Variants in ATRIP observed in about 807,000 individuals in gnomAD.
ATRIP encodes the protein ATR interacting protein, also known as ATR-interacting protein.
ATRIP carries 44 observed loss-of-function variants against 78.1 expected under a neutral mutation model. The observed-to-expected ratio is 0.56, with a 90% CI of 0.44 to 0.72. The LOEUF is 0.72. ATRIP is among the 30% of genes least tolerant of loss of function. ATRIP has a pLI of 0.00. For synonymous variants in ATRIP, 388 were observed against 408.9 expected (o/e 0.95, Z 0.62); for missense variants, 927 against 980.2 (o/e 0.95, Z 0.72).
chr3:48,466,205 T>C lies in ATRIP; in HGVS notation c.*651T>C. 1 of 555,876 alleles carries C rather than the reference T, an allele frequency of 1.8e-6. No homozygotes were observed. The highest frequency in any genetic ancestry group is 3.0e-5 in the Admixed American group (1 of 33,166). The allele number at this position is 555,876 out of a possible 1,614,324, so 34.4% of individuals were successfully genotyped here. On this transcript the variant is annotated 3_prime_UTR_variant, in exon 13 of 13. Coordinates refer to ENST00000320211, the MANE Select transcript of ATRIP (RefSeq NM_130384.3). ...AGGGCGGGCCTGGCTCACGTGGGCC[T>C]GTAGGCGGGCCCACGCCAAGTTTCA...
rs55691060 is a variant in ATRIP at position 48,467,345 on chromosome 3, G to A, written c.*1791G>A. 11 of 1,614,026 alleles carry A rather than the reference G, an allele frequency of 6.8e-6. No individual in the cohort carries two copies. Among genetic ancestry groups the A allele is most frequent in the African/African-American group, 1.3e-5 (1 of 74,932 alleles). ...ACGCCAGGCCTTTCGGCACCATCAG[G>A]CCCATGTATGGGGTCACAGCCTCTG... On this transcript the variant is annotated 3_prime_UTR_variant, in exon 13 of 13. Coordinates refer to ENST00000320211, the MANE Select transcript of ATRIP (RefSeq NM_130384.3).
intron 1 of ATRIP, chr3:48,447,487 C>T: frequency 2.0e-6 from 2 of 995,026 alleles, no homozygotes; most frequent in South Asian, 9.3e-5. Context: ...CACTGTCTCC[C>T]TTGGGCAGTG....
chr3:48,466,337 C>A lies in ATRIP; in HGVS notation c.*783C>A, dbSNP rs566903758. On this transcript the variant is annotated 3_prime_UTR_variant, in exon 13 of 13. Coordinates refer to ENST00000320211, the MANE Select transcript of ATRIP (RefSeq NM_130384.3). ...GAGTGTGGCCCCCACAATGGGATGGCGCAGGGCAGGAGGGCCATGGGTTCC... is the reference window on the plus strand; with the variant it reads ...GAGTGTGGCCCCCACAATGGGATGGAGCAGGGCAGGAGGGCCATGGGTTCC... The A allele has an allele frequency of 4.5e-5, 44 of 985,162 alleles. No individual in the cohort carries two copies. The Admixed American group carries it at 8.8e-4, about 20-fold the overall frequency. The allele number at this position is 985,162 out of a possible 1,614,324, so 61.0% of individuals were successfully genotyped here.
rs1019800321 is a variant in ATRIP at position 48,467,101 on chromosome 3, G to T, written c.*1547G>T. 1.2e-6 allele frequency: 2 copies of T among 1,613,838 alleles called. No individual in the cohort carries two copies. The highest frequency in any genetic ancestry group is 1.3e-5 in the African/African-American group (1 of 74,920). On this transcript the variant is annotated 3_prime_UTR_variant, in exon 13 of 13. Transcript: ENST00000320211. Reference sequence around the variant, plus strand: ...CTGGGCCTCACCAGTGCTCTGGATGGTGCCTTCTGTGTGGATAGCATCACT... The same window carrying T: ...CTGGGCCTCACCAGTGCTCTGGATGTTGCCTTCTGTGTGGATAGCATCACT...
chr3:48,450,588 G>GTTT, intron 2 of ATRIP: 1 of 990,834 alleles, frequency 1.0e-6, no homozygotes, highest in East Asian at 6.3e-5. Context: ...ATGTGACCCA[G>GTTT]ATTTTTTTTT....
chr3:48,466,424 TCAGA>T lies in ATRIP; in HGVS notation c.*874_*877del, dbSNP rs915151349. The T allele has an allele frequency of 3.3e-5, 53 of 1,609,488 alleles. No individual in the cohort carries two copies. The highest frequency in any genetic ancestry group is 4.4e-5 in the South Asian group (4 of 90,930). On this transcript the variant is annotated 3_prime_UTR_variant, in exon 13 of 13. Transcript: ENST00000320211. ...GAGTCATGTGAAGAGGGAGACCCTC[TCAGA>T]CAGTCGAATGTGCTGGTCCCACTAA...
At chr3:48,465,108 C>T (rs1575289048) in intron 12 of ATRIP, 25 bp downstream of exon 12, 7 of 1,592,134 alleles carry the variant, frequency 4.4e-6, no homozygotes, top group Non-Finnish European at 6.0e-6. Flanking sequence ...GGCCATCCTG[C>T]CCAGCCCCCA....
At chr3:48,447,522 G>A (rs1241926862) in intron 1 of ATRIP, 1 of 989,464 alleles carries the variant, frequency 1.0e-6, no homozygotes, top group Non-Finnish European at 1.2e-6. Flanking sequence ...GCCAGACACA[G>A]GCAAGAGATG....
rs373507607 is a variant in ATRIP, at chr3:48,451,751, T to C, written c.404T>C (p.Val135Ala). The C allele has an allele frequency of 4.4e-6, 7 of 1,596,724 alleles. No individual in the cohort carries two copies. The highest frequency in any genetic ancestry group is 1.7e-4 in the Middle Eastern group (1 of 6,012). ...KEKMKVMEEE[V>A]LIKNGEIKIL... ...CAGATGAAAGTAATGGAAGAAGAAG[T>C]TCTCATTAAGAATGGAGAAATTAAA... Residue 135 changes from valine to alanine, a missense_variant, in exon 3 of 13, where the codon GTT becomes GCT. Val to Ala is a moderately conservative substitution (Grantham distance 64, BLOSUM62 0). Coordinates refer to ENST00000320211, the MANE Select transcript of ATRIP (RefSeq NM_130384.3).
chr3:48,464,271 A>G lies in ATRIP; in HGVS notation c.1974+139A>G, dbSNP rs1249577915. ...GAGTTGATAAAGCAACTAAAGAGGT[A>G]AACTCAGTTTGGGGGCTGTGCACCA... On this transcript the variant is annotated intron_variant, in intron 10 of 12. Coordinates refer to ENST00000320211, the MANE Select transcript of ATRIP (RefSeq NM_130384.3). 69 of 825,426 alleles carry G rather than the reference A, an allele frequency of 8.4e-5. No homozygotes were observed. The East Asian group carries it at 1.2e-3, about 15-fold the overall frequency. The allele number at this position is 825,426 out of a possible 1,614,324, so 51.1% of individuals were successfully genotyped here. A position where few individuals can be genotyped will look rare whatever the true frequency, so the allele number is the denominator to read the frequency against.
At chr3:48,457,045 A>G (rs1170507877) in intron 4 of ATRIP, among the ~76,000 whole-genome samples, 1 of 152,180 alleles carries the variant, frequency 6.6e-6, no homozygotes, top group East Asian at 1.9e-4. Context: ...TCTATAGAGA[A>G]ATTAAAATTT....
chr3:48,465,707 C>T lies in ATRIP; in HGVS notation c.*153C>T. On this transcript the variant is annotated 3_prime_UTR_variant, in exon 13 of 13. Coordinates refer to ENST00000320211, the MANE Select transcript of ATRIP (RefSeq NM_130384.3). ...GTTTGGCGGAGTGGGAGGGGTGGAG[C>T]AGGACCCGGACCCTGAGTGGCTGGG... The T allele has an allele frequency of 1.4e-6, 1 of 729,346 alleles. No individual in the cohort carries two copies. The highest frequency in any genetic ancestry group is 1.7e-5 in the South Asian group (1 of 58,172). The allele number at this position is 729,346 out of a possible 1,614,324, so 45.2% of individuals were successfully genotyped here. A position where few individuals can be genotyped will look rare whatever the true frequency, so the allele number is the denominator to read the frequency against.
In ATRIP at chr3:48,446,908, C is replaced by A; in HGVS notation, c.63C>A (p.Gly21=). 7.2e-7 allele frequency: 1 copy of A among 1,391,924 alleles called. No homozygotes were observed. The highest frequency in any genetic ancestry group is 3.6e-5 in the Admixed American group (1 of 27,810). 86.2% of individuals were successfully genotyped at this position (1,391,924 alleles called of 1,614,324 possible). The change falls in exon 1 of 13, where the codon GGC becomes GGA. Residue 21 remains glycine (G), a synonymous_variant. Coordinates refer to ENST00000320211, the MANE Select transcript of ATRIP (RefSeq NM_130384.3). The part of the protein sequence containing the change: ...RRSEPPAPRP[G]PPPGTGHPPS... ...GCGAGCCCCCGGCGCCTCGCCCCGG[C>A]CCGCCGCCGGGCACCGGGCACCCCC...
rs1220454796 is a variant in ATRIP at position 48,464,993 on chromosome 3, C to T, written c.2218C>T (p.His740Tyr). ...GCAGAAGGACAAGCTCTTCATGATG[C>T]ACTGCGTGGAGGTCCTGCATCAGTT... ...LSQKDKLFMM[H>Y]CVEVLHQFDQ... The change falls in exon 12 of 13, where the codon CAC becomes TAC. Residue 740 changes from histidine to tyrosine, a missense_variant. Coordinates refer to ENST00000320211, the MANE Select transcript of ATRIP (RefSeq NM_130384.3). 1.2e-6 allele frequency: 2 copies of T among 1,614,112 alleles called. No homozygotes were observed. The highest frequency in any genetic ancestry group is 4.5e-5 in the East Asian group (2 of 44,884).
In ATRIP at chr3:48,446,832, G is replaced by A; in HGVS notation, c.-14G>A. On this transcript the variant is annotated 5_prime_UTR_variant, in exon 1 of 13. Transcript: ENST00000320211. ...TAGCTCGGCGCTGTCGGATACTTGGGGTGAGCGGAAAGCATGGCGGGGACC... is the reference window on the plus strand; with the variant it reads ...TAGCTCGGCGCTGTCGGATACTTGGAGTGAGCGGAAAGCATGGCGGGGACC... 1 of 1,397,372 alleles carries A rather than the reference G, an allele frequency of 7.2e-7. No homozygotes were observed. The highest frequency in any genetic ancestry group is 9.3e-7 in the Non-Finnish European group (1 of 1,076,162). 86.6% of individuals were successfully genotyped at this position (1,397,372 alleles called of 1,614,324 possible).
At chr3:48,458,266 A>G (rs1490440261) in intron 5 of ATRIP, among the ~76,000 whole-genome samples, 1 of 149,452 alleles carries the variant, frequency 6.7e-6, no homozygotes, top group Non-Finnish European at 1.5e-5. Context: ...CCATCACAGC[A>G]TCAATTGACC....
chr3:48,464,892 G>T lies in ATRIP; in HGVS notation c.2117G>T (p.Gly706Val), dbSNP rs1335315294. Residue 706 changes from glycine (G) to valine (V), a missense_variant, in exon 12 of 13, where the codon GGA (glycine) becomes GTA (valine). By Grantham distance (109) the Gly-to-Val change is moderately radical. Coordinates refer to ENST00000320211, the MANE Select transcript of ATRIP (RefSeq NM_130384.3). ...RQWLTVRRAG[G>V]PPRTDQQRRT... ...TGGCTGACAGTGCGGAGGGCAGGGG[G>T]ACCCCCAAGGACCGACCAGCAGAGG... is the stretch of plus-strand genomic sequence containing the variant. 1.2e-6 allele frequency: 2 copies of T among 1,613,878 alleles called. No individual in the cohort carries two copies. The highest frequency in any genetic ancestry group is 1.7e-6 in the Non-Finnish European group (2 of 1,179,982).
rs1053906 is a variant in ATRIP at position 48,464,983 on chromosome 3, C to G, written c.2208C>G (p.Leu736=). ...LLHGLSQKDK[L]FMMHCVEVLH... ...ACGGCCTATCGCAGAAGGACAAGCT[C>G]TTCATGATGCACTGCGTGGAGGTCC... Residue 736 remains leucine (L), a synonymous_variant, in exon 12 of 13, where the codon CTC becomes CTG. Coordinates refer to ENST00000320211, the MANE Select transcript of ATRIP (RefSeq NM_130384.3). 1.9e-6 allele frequency: 3 copies of G among 1,614,144 alleles called. No homozygotes were observed. Among genetic ancestry groups the G allele is most frequent in the Non-Finnish European group, 2.5e-6 (3 of 1,180,038 alleles).
rs760327399 is a variant in ATRIP, at chr3:48,451,784, G to A, written c.437G>A (p.Arg146Gln). 13 of 1,608,352 alleles carry A rather than the reference G, an allele frequency of 8.1e-6. No individual in the cohort carries two copies. The highest frequency in any genetic ancestry group is 1.3e-5 in the African/African-American group (1 of 74,878). ...AAGAATGGAGAAATTAAAATTTTGC[G>A]AGACTCACTACATCAGACGGAATCC... ...LIKNGEIKIL[R>Q]DSLHQTESVL... Residue 146 changes from arginine (R) to glutamine (Q), a missense_variant, in exon 3 of 13, where the codon CGA becomes CAA. Physicochemically the swap from Arg to Gln is conservative, Grantham distance 43 (BLOSUM62 1). Coordinates refer to ENST00000320211, the MANE Select transcript of ATRIP (RefSeq NM_130384.3).
Sources: allele counts gnomAD v4.1 joint callset (sites outside exome capture counted in the v4.1 genomes callset), GRCh38; gene constraint gnomAD v4.1.1; transcripts MANE v1.5; gene names NCBI Gene and HGNC (gene_info 2026-07-23, HGNC 2026-07-21).